The following KIAA1217 variants were observed in gnomAD, a reference collection of about 807,000 sequenced individuals.
KIAA1217 encodes sickle tail protein homolog.
Under a neutral mutation model 163.9 loss-of-function variants are expected in KIAA1217, and 88 were observed. The ratio of observed to expected loss-of-function variants is 0.54; its 90% CI spans 0.45 to 0.64. The LOEUF is 0.64. Ranked by LOEUF, KIAA1217 falls within the 30% of genes least tolerant of loss-of-function variation. The pLI, the probability that KIAA1217 is intolerant of heterozygous loss-of-function variation, is 0.00. For missense variants in KIAA1217, 2,372 were observed against 2,475.0 expected (o/e 0.96, Z 0.88); for synonymous variants, 903 against 923.1 (o/e 0.98, Z 0.39).
At chr10:24,094,023 G>A (rs1173326300) in intron 2 of KIAA1217, among the ~76,000 whole-genome samples, 1 of 151,738 alleles carries the variant, frequency 6.6e-6, no homozygotes, top group Non-Finnish European at 1.5e-5. Flanking sequence ...GTGTATATGT[G>A]CCACATTTTC....
chr10:24,263,921 G>A lies in KIAA1217; in HGVS notation c.354+44012G>A, dbSNP rs1044563784. Among the ~76,000 whole-genome samples the A allele has an allele frequency of 1.6e-4, 24 of 152,088 alleles. No homozygotes were observed. The Middle Eastern group carries it at 0.01, about 65-fold the overall frequency. On this transcript the variant is annotated intron_variant, in intron 2 of 20. Coordinates refer to ENST00000376454, the MANE Select transcript of KIAA1217 (RefSeq NM_019590.5). ...AACCCAGGCTGGAGTGCAGTGGTGCGATCTTGGCTCACTGCAACCCCTGCC... is the reference window on the plus strand; with the variant it reads ...AACCCAGGCTGGAGTGCAGTGGTGCAATCTTGGCTCACTGCAACCCCTGCC...
At chr10:24,308,331 C>A (rs1048828179) in intron 2 of KIAA1217, among the ~76,000 whole-genome samples, 1 of 152,212 alleles carries the variant, frequency 6.6e-6, no homozygotes, top group Admixed American at 6.5e-5. Context: ...AGATAATATG[C>A]TGGCTAGACC....
At chr10:23,982,713 G>A (rs906196698) in intron 1 of KIAA1217, among the ~76,000 whole-genome samples, 104 of 151,716 alleles carry the variant, frequency 6.9e-4, no homozygotes, top group African/African-American at 2.4e-3. Context: ...ACAGGCACCC[G>A]CCACCACACC....
intron 5 of KIAA1217, among the ~76,000 whole-genome samples, chr10:24,440,860 C>G (rs758880679): frequency 5.3e-5 from 8 of 152,214 alleles, no homozygotes; most frequent in Admixed American, 2.0e-4. Flanking sequence ...TGTGATCATG[C>G]CTGCAGTTTG....
chr10:23,862,439 A>C (rs1455194834), intron 1 of KIAA1217, among the ~76,000 whole-genome samples: 2 of 152,184 alleles, frequency 1.3e-5, no homozygotes, highest in Admixed American at 1.3e-4. Flanking sequence ...GATGATTCAC[A>C]AATATCCATA....
chr10:24,075,298 A>G (rs1416421828), intron 2 of KIAA1217, among the ~76,000 whole-genome samples: 2 of 152,150 alleles, frequency 1.3e-5, no homozygotes, highest in Admixed American at 6.5e-5. Flanking sequence ...TTGGTTTTCT[A>G]TGCCTTGTAT....
intron 2 of KIAA1217, among the ~76,000 whole-genome samples, chr10:24,327,168 A>G (rs1183070024): frequency 5.3e-5 from 8 of 152,200 alleles, no homozygotes; most frequent in African/African-American, 1.9e-4. Flanking sequence ...TTTGTTGAGA[A>G]CTAGTTTGGG....
At chr10:24,293,815 AC>A (rs1316311989) in intron 2 of KIAA1217, among the ~76,000 whole-genome samples, 3 of 152,224 alleles carry the variant, frequency 2.0e-5, no homozygotes, top group Non-Finnish European at 4.4e-5. Flanking sequence ...AATGAAGCTC[AC>A]AGATAGAGTG....
intron 1 of KIAA1217, among the ~76,000 whole-genome samples, chr10:23,862,230 T>A (rs1839988130): frequency 6.6e-6 from 1 of 152,188 alleles, no homozygotes; most frequent in African/African-American, 2.4e-5. Flanking sequence ...CATAGTAAGC[T>A]GTGATTTTGC....
chr10:24,403,307 C>T (rs963092871), intron 3 of KIAA1217, among the ~76,000 whole-genome samples: 5 of 152,126 alleles, frequency 3.3e-5, no homozygotes, highest in Admixed American at 3.3e-4. Context: ...GGTGCAATCT[C>T]AGCTCACTGC....
chr10:23,862,178 G>T (rs1055036415), intron 1 of KIAA1217, among the ~76,000 whole-genome samples: 5 of 152,072 alleles, frequency 3.3e-5, no homozygotes, highest in African/African-American at 1.2e-4. Flanking sequence ...GAGTTGGCTG[G>T]CATTTTATAC....
chr10:23,755,268 G>A (rs577509951), intron 1 of KIAA1217, among the ~76,000 whole-genome samples: 1 of 152,300 alleles, frequency 6.6e-6, no homozygotes, highest in East Asian at 1.9e-4. Context: ...GGAATCCTAG[G>A]AACATGAATC....
At chr10:24,465,013 G>A (rs1308523174) in intron 5 of KIAA1217, among the ~76,000 whole-genome samples, 5 of 152,202 alleles carry the variant, frequency 3.3e-5, no homozygotes, top group Non-Finnish European at 7.3e-5. Context: ...TTTGGAGGAT[G>A]TGATAGGGGC....
At chr10:24,119,025 T>G (rs757635232) in intron 2 of KIAA1217, among the ~76,000 whole-genome samples, 1 of 152,182 alleles carries the variant, frequency 6.6e-6, no homozygotes, top group Non-Finnish European at 1.5e-5. Flanking sequence ...AGTTGTACTA[T>G]AAATATGAGT....
At chr10:23,924,428 T>C (rs1299081604) in intron 1 of KIAA1217, among the ~76,000 whole-genome samples, 1 of 152,176 alleles carries the variant, frequency 6.6e-6, no homozygotes, top group African/African-American at 2.4e-5. Flanking sequence ...GAAGAAAATG[T>C]AGGATTTTTA....
intron 1 of KIAA1217, among the ~76,000 whole-genome samples, chr10:23,853,664 A>G (rs1839483180): frequency 6.6e-6 from 1 of 152,076 alleles, no homozygotes; most frequent in East Asian, 1.9e-4. Flanking sequence ...TTAGTTGGTA[A>G]GCTATTGATT....
At chr10:23,858,810 G>A (rs902499634) in intron 1 of KIAA1217, among the ~76,000 whole-genome samples, 3 of 152,072 alleles carry the variant, frequency 2.0e-5, no homozygotes, top group Non-Finnish European at 4.4e-5. Flanking sequence ...CTGGTTGTAG[G>A]TGTCACCTGC....
At chr10:24,083,091 G>A (rs148902387) in intron 2 of KIAA1217, among the ~76,000 whole-genome samples, 153 of 152,196 alleles carry the variant, frequency 1.0e-3, no homozygotes, top group African/African-American at 3.2e-3. Context: ...CATTTTTAAT[G>A]TGTTTGCTAT....
intron 2 of KIAA1217, among the ~76,000 whole-genome samples, chr10:24,010,521 C>G (rs1230853692): frequency 6.6e-6 from 1 of 150,950 alleles, no homozygotes; most frequent in African/African-American, 2.4e-5. Flanking sequence ...AAACATCATC[C>G]AAAATACTGT....
Sources: gnomAD v4.1 joint callset for allele counts (sites outside exome capture counted in the v4.1 genomes callset) on GRCh38, gnomAD v4.1.1 for gene constraint, MANE v1.5 for transcripts, NCBI Gene and HGNC (gene_info 2026-07-23, HGNC 2026-07-21) for gene names.